Variants in GJB4 observed in about 807,000 individuals in gnomAD.
The protein encoded by GJB4 is gap junction beta-4 protein.
For synonymous variants in GJB4, 162 were observed against 158.1 expected, an observed-to-expected ratio of 1.02 and a Z score of -0.18; for missense variants, 371 against 363.8, an observed-to-expected ratio of 1.02 and a Z score of -0.16.
chr1:34,761,349 G>C lies in GJB4; in HGVS notation c.95G>C (p.Arg32Pro), dbSNP rs148686980. The change falls in exon 2 of 2, where the codon CGT becomes CCT. Residue 32 changes from arginine (R) to proline (P), a missense_variant. Arg to Pro is a moderately radical substitution (Grantham distance 103). Transcript: ENST00000339480. The surrounding 1 kb of genome is among the most constrained non-coding windows in gnomAD (Gnocchi z 4.4). ...TGGCTGTCTGTGGTGTTCATCTTTCGTGTGCTGGTGTACGTGGTGGCAGCG... is the reference window on the plus strand; with the variant it reads ...TGGCTGTCTGTGGTGTTCATCTTTCCTGTGCTGGTGTACGTGGTGGCAGCG... ...RIWLSVVFIF[R>P]VLVYVVAAEE... The C allele has an allele frequency of 1.5e-5, 25 of 1,614,032 alleles. No homozygotes were observed. Among genetic ancestry groups the C allele is most frequent in the Non-Finnish European group, 2.0e-5 (24 of 1,179,878 alleles).
Position 34,762,148 on chromosome 1 carries a change from G to A in GJB4, c.*93G>A. ...GGCAGTGGCATCCTTGCCGTAGCAG[G>A]GTGGTGAGGAGGGTGGCTGTGGGGG... is the stretch of plus-strand genomic sequence containing the variant. On this transcript the variant is annotated 3_prime_UTR_variant, in exon 2 of 2. Transcript: ENST00000339480. 3 of 1,306,028 alleles carry A rather than the reference G, an allele frequency of 2.3e-6. No individual in the cohort carries two copies. Among genetic ancestry groups the A allele is most frequent in the East Asian group, 2.5e-5 (1 of 39,696 alleles). 80.9% of individuals were successfully genotyped at this position (1,306,028 alleles called of 1,614,324 possible).
At position 34,761,197 on chromosome 1, in the gene GJB4, T is replaced by C; in HGVS notation, c.-58T>C. ...GGCCTCAAGGCTCCCAAGGCCTGAGTGGGCAGGTAGCACCCAGGTATAGAC... is the reference window on the plus strand; with the variant it reads ...GGCCTCAAGGCTCCCAAGGCCTGAGCGGGCAGGTAGCACCCAGGTATAGAC... On this transcript the variant is annotated 5_prime_UTR_variant, in exon 2 of 2. Coordinates refer to ENST00000339480, the MANE Select transcript of GJB4 (RefSeq NM_153212.3). The surrounding 1 kb of genome is among the most constrained non-coding windows in gnomAD (Gnocchi z 4.4). 2 of 1,579,974 alleles carry C rather than the reference T, an allele frequency of 1.3e-6. No individual in the cohort carries two copies. The highest frequency in any genetic ancestry group is 1.7e-6 in the Non-Finnish European group (2 of 1,152,190).
In GJB4 at chr1:34,761,492, C is replaced by G. The variant is rs114429815; in HGVS notation, c.238C>G (p.Gln80Glu). The G allele has an allele frequency of 6.2e-7, 1 of 1,614,064 alleles. No homozygotes were observed. The highest frequency in any genetic ancestry group is 1.1e-5 in the South Asian group (1 of 91,088). Reference protein sequence around the residue: ...PVSHVRLWALQLILVTCPSLL... With the variant: ...PVSHVRLWALELILVTCPSLL... ...GTCCCACGTGCGCCTCTGGGCCCTA[C>G]AGCTCATCCTGGTCACGTGCCCCTC... Residue 80 changes from glutamine to glutamate, a missense_variant, in exon 2 of 2, where the codon CAG becomes GAG. By Grantham distance (29) the Gln-to-Glu change is conservative. Coordinates refer to ENST00000339480, the MANE Select transcript of GJB4 (RefSeq NM_153212.3). This position sits in a 1 kb window ranked among gnomAD's most constrained non-coding sequence, Gnocchi z 4.4.
chr1:34,760,876 G>T, intron 1 of GJB4, 57 bp from the exon 2 acceptor site: 1 of 343,816 alleles, frequency 2.9e-6, no homozygotes, highest in Non-Finnish European at 5.6e-6. Flanking sequence ...GGTAATAGAG[G>T]TTGGCTGGCA....
chr1:34,762,278 T>G lies in GJB4; in HGVS notation c.*223T>G. 1.6e-6 allele frequency: 1 copy of G among 622,022 alleles called. No individual in the cohort carries two copies. The allele number at this position is 622,022 out of a possible 1,614,324, so 38.5% of individuals were successfully genotyped here. A position where few individuals can be genotyped will look rare whatever the true frequency, so the allele number is the denominator to read the frequency against. ...GTTGATAGCTACTGGGGATTTTGTA[T>G]ATGGCAACAGTATATGTCAAACCTC... On this transcript the variant is annotated 3_prime_UTR_variant, in exon 2 of 2. Transcript: ENST00000339480.
Position 34,762,185 on chromosome 1 carries a change from C to T in GJB4, c.*130C>T, listed in dbSNP as rs144672584. On this transcript the variant is annotated 3_prime_UTR_variant, in exon 2 of 2. Transcript: ENST00000339480. ...GGTGGCTGTGGGGGCTCAGGAAGCT[C>T]GCCCAGGGGCCAATGTGGGAGGTTG... is the stretch of plus-strand genomic sequence containing the variant. 185 of 911,558 alleles carry T rather than the reference C, an allele frequency of 2.0e-4. No homozygotes were observed. The African/African-American group carries it at 2.5e-3, about 12-fold the overall frequency. 56.5% of individuals were successfully genotyped at this position (911,558 alleles called of 1,614,324 possible).
chr1:34,760,153 G>T (rs1003541680), intron 1 of GJB4, among the ~76,000 whole-genome samples: 7 of 152,142 alleles, frequency 4.6e-5, no homozygotes, highest in African/African-American at 1.7e-4. Flanking sequence ...GACCATTTGG[G>T]TACAGGCGAT....
Position 34,761,853 on chromosome 1 carries a change from T to C in GJB4, c.599T>C (p.Leu200Pro). Residue 200 changes from leucine (L) to proline (P), a missense_variant, in exon 2 of 2, where the codon CTC becomes CCC. Coordinates refer to ENST00000339480, the MANE Select transcript of GJB4 (RefSeq NM_153212.3). The surrounding 1 kb of genome is among the most constrained non-coding windows in gnomAD (Gnocchi z 4.4). ...ACCACAGCTGCCATCTGCATCCTGC[T>C]CAACCTCAGTGAAGTCTTCTACCTG... is the stretch of plus-strand genomic sequence containing the variant. Reference protein sequence around the residue: ...MVTTAAICILLNLSEVFYLVG... With the variant: ...MVTTAAICILPNLSEVFYLVG... 1 of 1,614,206 alleles carries C rather than the reference T, an allele frequency of 6.2e-7. No homozygotes were observed. Among genetic ancestry groups the C allele is most frequent in the Non-Finnish European group, 8.5e-7 (1 of 1,180,040 alleles).
rs764338808 is a variant in GJB4 at position 34,761,374 on chromosome 1, G to A, written c.120G>A (p.Ala40=). 89 of 1,613,876 alleles carry A rather than the reference G, an allele frequency of 5.5e-5. No individual in the cohort carries two copies. The highest frequency in any genetic ancestry group is 3.6e-4 in the South Asian group (33 of 91,088). The change falls in exon 2 of 2, where the codon GCG becomes GCA. Residue 40 remains alanine (A), a synonymous_variant. Transcript: ENST00000339480. This position sits in a 1 kb window ranked among gnomAD's most constrained non-coding sequence, Gnocchi z 4.4. ...GTGTGCTGGTGTACGTGGTGGCAGC[G>A]GAGGAGGTGTGGGACGATGAGCAGA... ...IFRVLVYVVA[A]EEVWDDEQKD...
Position 34,761,361 on chromosome 1 carries a change from A to G in GJB4, c.107A>G (p.Tyr36Cys). The G allele has an allele frequency of 6.2e-7, 1 of 1,614,004 alleles. No individual in the cohort carries two copies. The highest frequency in any genetic ancestry group is 1.3e-5 in the African/African-American group (1 of 75,042). ...SVVFIFRVLVYVVAAEEVWDD... is the reference protein window; with the variant it reads ...SVVFIFRVLVCVVAAEEVWDD... ...GTGTTCATCTTTCGTGTGCTGGTGT[A>G]CGTGGTGGCAGCGGAGGAGGTGTGG... is the stretch of plus-strand genomic sequence containing the variant. The change falls in exon 2 of 2, where the codon TAC becomes TGC. Residue 36 changes from tyrosine (Y) to cysteine (C), a missense_variant. Transcript: ENST00000339480. The surrounding 1 kb of genome is among the most constrained non-coding windows in gnomAD (Gnocchi z 4.4).
In GJB4 at chr1:34,761,042, T is replaced by C. The variant is rs745881223; in HGVS notation, c.-213T>C. The C allele has an allele frequency of 2.1e-5, 13 of 617,130 alleles. No homozygotes were observed. The highest frequency in any genetic ancestry group is 3.5e-5 in the Non-Finnish European group (12 of 340,706). 38.2% of individuals were successfully genotyped at this position (617,130 alleles called of 1,614,324 possible). A position where few individuals can be genotyped will look rare whatever the true frequency, so the allele number is the denominator to read the frequency against. On this transcript the variant is annotated 5_prime_UTR_variant, in exon 2 of 2. Coordinates refer to ENST00000339480, the MANE Select transcript of GJB4 (RefSeq NM_153212.3). This position sits in a 1 kb window ranked among gnomAD's most constrained non-coding sequence, Gnocchi z 4.4. ...TATCTCTGGGCCTTCACTTACTCTT[T>C]GTGAAATGAGGACAGGGGCAATCCC...
chr1:34,761,307 C>A lies in GJB4; in HGVS notation c.53C>A (p.Thr18Lys), dbSNP rs1158976152. The change falls in exon 2 of 2, where the codon ACA becomes AAA. Residue 18 changes from threonine to lysine, a missense_variant. By Grantham distance (78) the Thr-to-Lys change is moderately conservative (BLOSUM62 -1). Transcript: ENST00000339480. The surrounding 1 kb of genome is among the most constrained non-coding windows in gnomAD (Gnocchi z 4.4). ...GLLSGVNKYS[T>K]VLSRIWLSVV... is the part of the protein sequence containing the mutation. ...CTGAGTGGCGTGAACAAGTACTCCA[C>A]AGTGCTGAGCCGCATCTGGCTGTCT... is the stretch of plus-strand genomic sequence containing the variant. 1 of 1,613,952 alleles carries A rather than the reference C, an allele frequency of 6.2e-7. No homozygotes were observed. The highest frequency in any genetic ancestry group is 1.7e-5 in the Admixed American group (1 of 60,002).
rs1639715764 is a variant in GJB4 at position 34,761,578 on chromosome 1, A to AC, written c.325dup (p.His109ProfsTer49). The AC allele has an allele frequency of 1.2e-6, 2 of 1,614,086 alleles. No homozygotes were observed. The highest frequency in any genetic ancestry group is 2.7e-5 in the African/African-American group (2 of 74,934). Reference sequence around the variant, plus strand: ...AACGCGAGCGCAAGCACCACCTGAAACACGGGCCCAATGCCCCGTCCCTGT... The same window carrying AC: ...AACGCGAGCGCAAGCACCACCTGAAACCACGGGCCCAATGCCCCGTCCCTGT... On this transcript the variant is annotated frameshift_variant, in exon 2 of 2. Transcript: ENST00000339480. LOFTEE classifies it low-confidence loss of function (END_TRUNC). The surrounding 1 kb of genome is among the most constrained non-coding windows in gnomAD (Gnocchi z 4.4).
Position 34,761,174 on chromosome 1 carries a change from C to T in GJB4, c.-81C>T. 7.0e-7 allele frequency: 1 copy of T among 1,419,994 alleles called. No homozygotes were observed. Among genetic ancestry groups the T allele is most frequent in the East Asian group, 2.3e-5 (1 of 43,078 alleles). The allele number at this position is 1,419,994 out of a possible 1,614,324, so 88.0% of individuals were successfully genotyped here. On this transcript the variant is annotated 5_prime_UTR_variant, in exon 2 of 2. Coordinates refer to ENST00000339480, the MANE Select transcript of GJB4 (RefSeq NM_153212.3). The surrounding 1 kb of genome is among the most constrained non-coding windows in gnomAD (Gnocchi z 4.4). ...GTGCCCATCTCCAGGTTCCCCCAGG[C>T]CTCAAGGCTCCCAAGGCCTGAGTGG...
rs147912521 is a variant in GJB4 at position 34,761,749 on chromosome 1, C to T, written c.495C>T (p.Ser165=). The T allele has an allele frequency of 2.5e-4, 406 of 1,614,124 alleles. 1 individual carries two copies. The African/African-American group carries it at 4.2e-3, about 17-fold the overall frequency. Residue 165 remains serine (S), a synonymous_variant, in exon 2 of 2, where the codon TCC becomes TCT. Coordinates refer to ENST00000339480, the MANE Select transcript of GJB4 (RefSeq NM_153212.3). The surrounding 1 kb of genome is among the most constrained non-coding windows in gnomAD (Gnocchi z 4.4). Reference sequence around the variant, plus strand: ...ACATGCCCCGCGTGGTGGCCTGCTCCGTGGAGCCTTGCCCCCACACTGTGG... The same window carrying T: ...ACATGCCCCGCGTGGTGGCCTGCTCTGTGGAGCCTTGCCCCCACACTGTGG... ...DYDMPRVVAC[S]VEPCPHTVDC...
chr1:34,761,487 C>A lies in GJB4; in HGVS notation c.233C>A (p.Ala78Asp). 6.2e-7 allele frequency: 1 copy of A among 1,614,186 alleles called. No homozygotes were observed. Among genetic ancestry groups the A allele is most frequent in the East Asian group, 2.2e-5 (1 of 44,878 alleles). ...FFPVSHVRLW[A>D]LQLILVTCPS... ...CCCGTGTCCCACGTGCGCCTCTGGG[C>A]CCTACAGCTCATCCTGGTCACGTGC... The change falls in exon 2 of 2, where the codon GCC becomes GAC. Residue 78 changes from alanine (A) to aspartate (D), a missense_variant. Physicochemically the swap from Ala to Asp is moderately radical, Grantham distance 126 (BLOSUM62 -2). Transcript: ENST00000339480. The surrounding 1 kb of genome is among the most constrained non-coding windows in gnomAD (Gnocchi z 4.4).
chr1:34,761,394 A>G lies in GJB4; in HGVS notation c.140A>G (p.Glu47Gly). 1.2e-6 allele frequency: 2 copies of G among 1,613,500 alleles called. No homozygotes were observed. Among genetic ancestry groups the G allele is most frequent in the Non-Finnish European group, 1.7e-6 (2 of 1,179,724 alleles). Residue 47 changes from glutamate (E) to glycine (G), a missense_variant, in exon 2 of 2, where the codon GAG becomes GGG. Coordinates refer to ENST00000339480, the MANE Select transcript of GJB4 (RefSeq NM_153212.3). This position sits in a 1 kb window ranked among gnomAD's most constrained non-coding sequence, Gnocchi z 4.4. Reference sequence around the variant, plus strand: ...GCAGCGGAGGAGGTGTGGGACGATGAGCAGAAGGACTTTGTCTGCAACACC... The same window carrying G: ...GCAGCGGAGGAGGTGTGGGACGATGGGCAGAAGGACTTTGTCTGCAACACC... Reference protein sequence around the residue: ...VVAAEEVWDDEQKDFVCNTKQ... With the variant: ...VVAAEEVWDDGQKDFVCNTKQ...
intron 1 of GJB4, among the ~76,000 whole-genome samples, chr1:34,760,042 T>C (rs1044906957): frequency 6.6e-6 from 1 of 152,136 alleles, no homozygotes; most frequent in African/African-American, 2.4e-5. Context: ...ATCTATTGTG[T>C]GTTCACTGGG....
At position 34,761,043 on chromosome 1, in the gene GJB4, G is replaced by A; in HGVS notation, c.-212G>A. On this transcript the variant is annotated 5_prime_UTR_variant, in exon 2 of 2. In the 5' UTR this introduces an upstream ATG that the reference lacks. Coordinates refer to ENST00000339480, the MANE Select transcript of GJB4 (RefSeq NM_153212.3). The surrounding 1 kb of genome is among the most constrained non-coding windows in gnomAD (Gnocchi z 4.4). Reference sequence around the variant, plus strand: ...ATCTCTGGGCCTTCACTTACTCTTTGTGAAATGAGGACAGGGGCAATCCCT... The same window carrying A: ...ATCTCTGGGCCTTCACTTACTCTTTATGAAATGAGGACAGGGGCAATCCCT... The A allele has an allele frequency of 1.6e-6, 1 of 617,840 alleles. No individual in the cohort carries two copies. The highest frequency in any genetic ancestry group is 2.9e-6 in the Non-Finnish European group (1 of 340,988). The allele number at this position is 617,840 out of a possible 1,614,324, so 38.3% of individuals were successfully genotyped here. A position where few individuals can be genotyped will look rare whatever the true frequency, so the allele number is the denominator to read the frequency against.
Sources: gnomAD v4.1 joint callset for allele counts (sites outside exome capture counted in the v4.1 genomes callset) on GRCh38, gnomAD v4.1.1 for gene constraint, Gnocchi (gnomAD v3.1) non-coding constraint, MANE v1.5 for transcripts, NCBI Gene and HGNC (gene_info 2026-07-23, HGNC 2026-07-21) for gene names.